Variants in NUBPL observed in about 807,000 individuals in gnomAD.
NUBPL encodes NUBP iron-sulfur cluster assembly factor, mitochondrial.
NUBPL carries 31 observed loss-of-function variants against 45.7 expected under a neutral mutation model. The ratio of observed to expected loss-of-function variants is 0.68; its 90% CI spans 0.51 to 0.92. NUBPL has a LOEUF of 0.92. NUBPL is among the 40% of genes least tolerant of loss of function. The pLI, the probability that NUBPL is intolerant of heterozygous loss-of-function variation, is 0.00. For missense variants in NUBPL, 401 were observed against 398.7 expected, an observed-to-expected ratio of 1.01 and a Z score of -0.05; for synonymous variants, 144 against 140.9, an observed-to-expected ratio of 1.02 and a Z score of -0.15.
intron 4 of NUBPL, among the ~76,000 whole-genome samples, chr14:31,658,905 G>A (rs536833897): frequency 1.3e-5 from 2 of 152,212 alleles, no homozygotes; most frequent in South Asian, 2.1e-4. Flanking sequence ...ACTAATCAAG[G>A]GGAATATAGT....
chr14:31,642,398 TGTGGTTACCTA>T (rs1393150662), intron 4 of NUBPL, among the ~76,000 whole-genome samples: 3 of 152,334 alleles, frequency 2.0e-5, no homozygotes, highest in Middle Eastern at 3.4e-3. Context: ...TTCTTCCTCA[TGTGGTTACCTA>T]GTTTTCTGAG....
intron 4 of NUBPL, among the ~76,000 whole-genome samples, chr14:31,617,750 G>A (rs890267144): frequency 6.6e-6 from 1 of 151,900 alleles, no homozygotes; most frequent in Non-Finnish European, 1.5e-5. Flanking sequence ...TTTTTATTGT[G>A]TCTCTGCCAG....
rs117475261 is a variant in NUBPL, at chr14:31,850,043, A to G, written c.815-76A>G. 1.1e-3 allele frequency: 1,215 copies of G among 1,072,470 alleles called. 2 individuals carry two copies. Among genetic ancestry groups the G allele is most frequent in the Non-Finnish European group, 1.7e-3 (1,154 of 692,314 alleles). The allele number at this position is 1,072,470 out of a possible 1,614,324, so 66.4% of individuals were successfully genotyped here. A position where few individuals can be genotyped will look rare whatever the true frequency, so the allele number is the denominator to read the frequency against. ...TTTAGTTCCGATTTTGTTTCTTTCC[A>G]TAGTTCAAATAGTGAGATTCAAAAT... On this transcript the variant is annotated intron_variant, in intron 9 of 10. Transcript: ENST00000281081.
chr14:31,771,828 C>T lies in NUBPL; in HGVS notation c.514-15952C>T, dbSNP rs1040163042. ...TTCCATTTACCAGCCCATTTCCACCCGAGGGACCCTAAGGCTCAAAATTAG... is the reference window on the plus strand; with the variant it reads ...TTCCATTTACCAGCCCATTTCCACCTGAGGGACCCTAAGGCTCAAAATTAG... On this transcript the variant is annotated intron_variant, in intron 6 of 10. Coordinates refer to ENST00000281081, the MANE Select transcript of NUBPL (RefSeq NM_025152.3). 7 of 984,142 alleles carry T rather than the reference C, an allele frequency of 7.1e-6. No homozygotes were observed. The East Asian group carries it at 3.4e-4, about 48-fold the overall frequency. The allele number at this position is 984,142 out of a possible 1,614,324, so 61.0% of individuals were successfully genotyped here. A position where few individuals can be genotyped will look rare whatever the true frequency, so the allele number is the denominator to read the frequency against.
intron 6 of NUBPL, among the ~76,000 whole-genome samples, chr14:31,754,012 A>G (rs2038592427): frequency 6.6e-6 from 1 of 152,198 alleles, no homozygotes; most frequent in Non-Finnish European, 1.5e-5. Context: ...AGATATATTA[A>G]TTATCTTGAT....
intron 4 of NUBPL, among the ~76,000 whole-genome samples, chr14:31,621,738 G>A (rs574484591): frequency 2.0e-4 from 30 of 152,346 alleles, no homozygotes; most frequent in African/African-American, 5.3e-4. Context: ...TTATTCAGCC[G>A]TCTTGCCAGC....
In NUBPL at chr14:31,561,454, G is replaced by C; in HGVS notation, c.15G>C (p.Gln5His). The C allele has an allele frequency of 7.1e-7, 1 of 1,417,950 alleles. No homozygotes were observed. Among genetic ancestry groups the C allele is most frequent in the Non-Finnish European group, 9.3e-7 (1 of 1,076,076 alleles). The allele number at this position is 1,417,950 out of a possible 1,614,324, so 87.8% of individuals were successfully genotyped here. ...CGTTCCGCGTCATGGGGATTTGGCAGCGTCTGCTGCTTTTTGGTGGGGTGT... is the reference window on the plus strand; with the variant it reads ...CGTTCCGCGTCATGGGGATTTGGCACCGTCTGCTGCTTTTTGGTGGGGTGT... Reference protein sequence around the residue: MGIWQRLLLFGGVSL... With the variant: MGIWHRLLLFGGVSL... The change falls in exon 1 of 11, where the codon CAG becomes CAC. Residue 5 changes from glutamine (Q) to histidine (H), a missense_variant. By Grantham distance (24) the Gln-to-His change is conservative (BLOSUM62 0). Transcript: ENST00000281081.
intron 4 of NUBPL, among the ~76,000 whole-genome samples, chr14:31,609,631 T>G (rs1056400979): frequency 3.9e-5 from 6 of 152,192 alleles, no homozygotes; most frequent in African/African-American, 1.4e-4. Flanking sequence ...ATTCTTTTCC[T>G]CAGCACATGG....
At chr14:31,835,318 T>C (rs1312309705) in intron 8 of NUBPL, among the ~76,000 whole-genome samples, 2 of 152,328 alleles carry the variant, frequency 1.3e-5, no homozygotes, top group African/African-American at 4.8e-5. Flanking sequence ...TCTATCTAGT[T>C]GTCATCTTGT....
chr14:31,561,969 G>A (rs1033567394), intron 1 of NUBPL, 99 bp from the exon 2 acceptor site: 3 of 1,153,712 alleles, frequency 2.6e-6, no homozygotes, highest in Non-Finnish European at 2.5e-6. Flanking sequence ...AGAAAAGAAA[G>A]CCCTCTTAAT....
intron 7 of NUBPL, among the ~76,000 whole-genome samples, chr14:31,807,763 A>C (rs913371321): frequency 6.6e-6 from 1 of 152,172 alleles, no homozygotes; most frequent in Non-Finnish European, 1.5e-5. Context: ...TAGGTCTAAC[A>C]TTTAAGTCTT....
At chr14:31,717,898 G>C (rs1054422761) in intron 6 of NUBPL, among the ~76,000 whole-genome samples, 4 of 152,088 alleles carry the variant, frequency 2.6e-5, no homozygotes, top group Admixed American at 2.6e-4. Context: ...ATGGACATCA[G>C]ATCACAGAAA....
At chr14:31,636,682 T>C (rs145240653) in intron 4 of NUBPL, among the ~76,000 whole-genome samples, 8,330 of 152,286 alleles carry the variant, frequency 0.055, 651 homozygotes, top group African/African-American at 0.18. Context: ...TTCCTTCTTG[T>C]ACCTCTGGTA....
chr14:31,849,780 C>G (rs2040509008), intron 9 of NUBPL, among the ~76,000 whole-genome samples: 2 of 152,016 alleles, frequency 1.3e-5, no homozygotes, highest in African/African-American at 4.8e-5. Context: ...CATGATGTGT[C>G]TATATCAGAT....
intron 4 of NUBPL, among the ~76,000 whole-genome samples, chr14:31,608,514 A>G (rs2034664538): frequency 6.6e-6 from 1 of 152,126 alleles, no homozygotes; most frequent in Admixed American, 6.5e-5. Context: ...AGATCATGCC[A>G]CTGCACTCCA....
At chr14:31,738,972 C>T (rs4993622) in intron 6 of NUBPL, among the ~76,000 whole-genome samples, 82,011 of 151,092 alleles carry the variant, frequency 0.54, 24,189 homozygotes, top group African/African-American at 0.79. Flanking sequence ...AACTGATATG[C>T]TAAATATAAT....
intron 7 of NUBPL, among the ~76,000 whole-genome samples, chr14:31,817,118 A>G (rs1302927002): frequency 6.6e-6 from 1 of 152,146 alleles, no homozygotes; most frequent in Non-Finnish European, 1.5e-5. Context: ...AAGCATGAAG[A>G]CAAAATTAGA....
intron 6 of NUBPL, among the ~76,000 whole-genome samples, chr14:31,700,972 GC>G (rs1275428291): frequency 2.0e-5 from 3 of 152,204 alleles, no homozygotes; most frequent in African/African-American, 7.2e-5. Flanking sequence ...TCCATCTATG[GC>G]CCCAGCACAG....
chr14:31,841,939 TTTTTTTTTTG>T (rs2040381363), intron 8 of NUBPL, among the ~76,000 whole-genome samples: 2 of 130,552 alleles, frequency 1.5e-5, no homozygotes, highest in African/African-American at 6.0e-5. Context: ...TTTTTTTTTT[TTTTTTTTTTG>T]AGACGGGGTC....
Sources: gnomAD v4.1 joint callset for allele counts (sites outside exome capture counted in the v4.1 genomes callset) on GRCh38, gnomAD v4.1.1 for gene constraint, MANE v1.5 for transcripts, NCBI Gene and HGNC (gene_info 2026-07-23, HGNC 2026-07-21) for gene names.